The following PCDH9 variants were observed in gnomAD, a reference collection of about 807,000 sequenced individuals.
PCDH9 encodes the protein protocadherin-9.
A neutral mutation model predicts 70.6 loss-of-function variants in PCDH9; 24 were observed. The observed-to-expected ratio is 0.34, with a 90% CI of 0.25 to 0.48. The LOEUF is 0.48. Among genes scored for constraint, PCDH9 ranks in the 20% least tolerant of loss-of-function variants. The probability of loss-of-function intolerance (pLI) is 0.99; values close to 1 mark genes in which losing one functional copy is unlikely to be tolerated. For synonymous variants in PCDH9, 562 were observed against 558.5 expected (o/e 1.01, Z -0.09); for missense variants, 1,281 against 1,503.6 (o/e 0.85, Z 2.45).
At chr13:66,846,884 T>TACACACACACAC (rs34392674) in intron 3 of PCDH9, among the ~76,000 whole-genome samples, 1 of 149,582 alleles carries the variant, frequency 6.7e-6, no homozygotes, top group East Asian at 2.0e-4. Flanking sequence ...TTTCTCATAA[T>TACACACACACAC]ACACACACAC....
intron 3 of PCDH9, among the ~76,000 whole-genome samples, chr13:66,819,176 A>T (rs1253434703): frequency 6.6e-6 from 1 of 152,082 alleles, no homozygotes; most frequent in Non-Finnish European, 1.5e-5. Flanking sequence ...TCATATTCTA[A>T]ATACAGAAAA....
At chr13:66,863,705 T>G (rs112950816) in intron 3 of PCDH9, among the ~76,000 whole-genome samples, 8,118 of 152,140 alleles carry the variant, frequency 0.053, 710 homozygotes, top group African/African-American at 0.18. Context: ...CCAGATGGTC[T>G]TGATCTCCCG....
intron 4 of PCDH9, among the ~76,000 whole-genome samples, chr13:66,368,628 G>A (rs1034333823): frequency 6.6e-6 from 1 of 151,878 alleles, no homozygotes. Context: ...TATGGCTAGA[G>A]AGCAAATGTT....
intron 3 of PCDH9, among the ~76,000 whole-genome samples, chr13:66,829,113 G>A (rs569344592): frequency 1.3e-5 from 2 of 152,086 alleles, no homozygotes; most frequent in Admixed American, 6.6e-5. Flanking sequence ...CGCCTCCTGG[G>A]TTCAAGCGAT....
chr13:67,083,249 GT>G (rs1481927921), intron 2 of PCDH9, among the ~76,000 whole-genome samples: 1 of 152,044 alleles, frequency 6.6e-6, no homozygotes, highest in African/African-American at 2.4e-5. Flanking sequence ...ATTTTATAGA[GT>G]TTTGCATAAT....
rs1470158679 is a variant in PCDH9, at chr13:66,517,556, A to C, written c.3340+113654T>G. Among the ~76,000 whole-genome samples, 7 of 152,176 alleles carry C rather than the reference A, an allele frequency of 4.6e-5. No homozygotes were observed. The East Asian group carries it at 1.3e-3, about 29-fold the overall frequency. Reference sequence around the variant, plus strand: ...ACTGTGTTCTTCACAGAGCCTCTTAAAAGCTCATGTGAAATTCCTACCAGA... The same window carrying C: ...ACTGTGTTCTTCACAGAGCCTCTTACAAGCTCATGTGAAATTCCTACCAGA... On this transcript the variant is annotated intron_variant, in intron 4 of 4. Transcript: ENST00000377865.
intron 3 of PCDH9, among the ~76,000 whole-genome samples, chr13:66,887,464 G>T (rs1167149021): frequency 2.6e-5 from 4 of 152,046 alleles, no homozygotes; most frequent in Admixed American, 2.0e-4. Context: ...AAGTATATTT[G>T]TATAATGTGG....
chr13:66,893,923 T>C (rs1435019303), intron 3 of PCDH9, among the ~76,000 whole-genome samples: 1 of 152,178 alleles, frequency 6.6e-6, no homozygotes, highest in Non-Finnish European at 1.5e-5. Context: ...TTAATTTCAC[T>C]GTATGACTTG....
intron 4 of PCDH9, among the ~76,000 whole-genome samples, chr13:66,577,584 G>C (rs1288013582): frequency 1.3e-5 from 2 of 151,878 alleles, no homozygotes; most frequent in Non-Finnish European, 2.9e-5. Context: ...ACACTGCATA[G>C]GATAGATAGT....
intron 2 of PCDH9, among the ~76,000 whole-genome samples, chr13:67,088,191 C>T (rs1160789112): frequency 2.0e-5 from 3 of 151,664 alleles, no homozygotes; most frequent in African/African-American, 7.3e-5. Context: ...TCTAGTTTTG[C>T]CAATGAGGTC....
intron 4 of PCDH9, among the ~76,000 whole-genome samples, chr13:66,398,638 T>C (rs938204486): frequency 5.3e-5 from 8 of 152,178 alleles, no homozygotes; most frequent in African/African-American, 1.9e-4. Flanking sequence ...CATTCAAAAC[T>C]AGCATTTTAG....
intron 3 of PCDH9, among the ~76,000 whole-genome samples, chr13:66,707,891 A>G (rs1476050737): frequency 1.3e-5 from 2 of 152,166 alleles, no homozygotes; most frequent in African/African-American, 4.8e-5. Flanking sequence ...CTCATCTTAG[A>G]TAAGTATTTT....
At chr13:66,870,682 A>T (rs1164725224) in intron 3 of PCDH9, among the ~76,000 whole-genome samples, 1 of 152,212 alleles carries the variant, frequency 6.6e-6, no homozygotes, top group Non-Finnish European at 1.5e-5. Flanking sequence ...TCAAAACCAC[A>T]GTGAGATACC....
At chr13:67,171,750 C>T (rs1481933614) in intron 2 of PCDH9, among the ~76,000 whole-genome samples, 4 of 152,148 alleles carry the variant, frequency 2.6e-5, no homozygotes, top group African/African-American at 7.2e-5. Context: ...GCGATTGAAC[C>T]TGAGTTTCCT....
At chr13:66,365,878 CT>C (rs749864908) in intron 4 of PCDH9, among the ~76,000 whole-genome samples, 16 of 152,084 alleles carry the variant, frequency 1.1e-4, no homozygotes, top group Non-Finnish European at 2.1e-4. Flanking sequence ...CTCTCTTCCT[CT>C]TTCACTCATT....
chr13:67,182,282 A>G (rs527358739), intron 2 of PCDH9, among the ~76,000 whole-genome samples: 48 of 152,078 alleles, frequency 3.2e-4, no homozygotes, highest in African/African-American at 1.1e-3. Flanking sequence ...AAATTTCCCA[A>G]TTTCCCCTGT....
chr13:66,804,435 A>C (rs1566205297), intron 3 of PCDH9, among the ~76,000 whole-genome samples: 1 of 152,190 alleles, frequency 6.6e-6, no homozygotes. Flanking sequence ...TTTAAGAATA[A>C]ATTTTAAATT....
chr13:67,224,958 C>A, intron 2 of PCDH9: 2 of 1,006,640 alleles, frequency 2.0e-6, no homozygotes, highest in Non-Finnish European at 2.4e-6. Context: ...CCTTTAGCAA[C>A]CATAGCTGCA....
chr13:66,524,536 ACT>A (rs1169241506), intron 4 of PCDH9, among the ~76,000 whole-genome samples: 1 of 152,026 alleles, frequency 6.6e-6, no homozygotes, highest in East Asian at 1.9e-4. Context: ...CCTGTTTCAA[ACT>A]CTCACTTTTT....
Sources: gnomAD v4.1 joint callset for allele counts (sites outside exome capture counted in the v4.1 genomes callset) on GRCh38, gnomAD v4.1.1 for gene constraint, MANE v1.5 for transcripts, NCBI Gene and HGNC (gene_info 2026-07-23, HGNC 2026-07-21) for gene names.